MAP3K15: variants seen among roughly 807,000 people sequenced by gnomAD.
MAP3K15 encodes the protein mitogen-activated protein kinase kinase kinase 15, also known as MAPK/ERK kinase kinase 15.
In MAP3K15, 124 loss-of-function variants were observed where a neutral mutation model predicts 99.5. The ratio of observed to expected loss-of-function variants is 1.25; its 90% confidence interval spans 1.08 to 1.45. MAP3K15 has a LOEUF of 1.45. Among genes scored for constraint, MAP3K15 ranks in the 40% most tolerant of loss-of-function variants. The pLI, the probability that MAP3K15 is intolerant of heterozygous loss-of-function variation, is 0.00. For synonymous variants in MAP3K15, 494 were observed against 439.6 expected (o/e 1.12, Z -1.55); for missense variants, 1,242 against 1,079.7 (o/e 1.15, Z -2.11).
intron 3 of MAP3K15, among the ~76,000 whole-genome samples, chrX:19,470,150 C>G: frequency 8.9e-6 from 1 of 111,816 alleles, no homozygotes. Flanking sequence ...TGGAACCAAG[C>G]CAAATGTCCA....
At chrX:19,400,688 C>T (rs776967522) in intron 13 of MAP3K15, 25 bp from the exon 14 acceptor site, 7 of 1,061,789 alleles carry the variant, frequency 6.6e-6, no homozygotes, top group South Asian at 3.9e-5. Context: ...GTCACAAATA[C>T]GTTGCCAACT....
chrX:19,505,386 C>G (rs2064469473), intron 1 of MAP3K15, among the ~76,000 whole-genome samples: 1 of 112,147 alleles, frequency 8.9e-6, no homozygotes, highest in Non-Finnish European at 1.9e-5. Context: ...ATTACTATAA[C>G]AAACGATGCC....
chrX:19,473,983 G>A (rs1388891164), intron 3 of MAP3K15, among the ~76,000 whole-genome samples: 1 of 111,921 alleles, frequency 8.9e-6, no homozygotes, highest in East Asian at 2.8e-4. Flanking sequence ...TTTCCTTACT[G>A]TAAGTGTCAC....
intron 24 of MAP3K15, among the ~76,000 whole-genome samples, chrX:19,369,778 C>T (rs991714601): frequency 1.5e-4 from 17 of 110,897 alleles, no homozygotes; most frequent in Non-Finnish European, 1.5e-4. Context: ...GGTGTGGTGG[C>T]GCGCACCTGT....
At chrX:19,378,603 C>T (rs1162884077) in intron 19 of MAP3K15, among the ~76,000 whole-genome samples, 2 of 111,458 alleles carry the variant, frequency 1.8e-5, no homozygotes, top group Non-Finnish European at 3.8e-5. Flanking sequence ...CACCGGGTCC[C>T]TCCCACAACA....
At chrX:19,384,748 G>GAAAAAAA (rs1569205907) in intron 18 of MAP3K15, among the ~76,000 whole-genome samples, 1 of 56,469 alleles carries the variant, frequency 1.8e-5, no homozygotes, top group Non-Finnish European at 3.2e-5. Flanking sequence ...TTGTCTCAGG[G>GAAAAAAA]GAAAAAAAAA....
At chrX:19,392,283 G>C in intron 17 of MAP3K15, 60 bp downstream of exon 17, 1 of 1,153,907 alleles carries the variant, frequency 8.7e-7, no homozygotes, top group Non-Finnish European at 1.2e-6. Context: ...AGACACCATC[G>C]ACAGCTCTCA....
At chrX:19,377,469 G>A (rs752671150) in intron 19 of MAP3K15, among the ~76,000 whole-genome samples, 25 of 111,248 alleles carry the variant, frequency 2.2e-4, no homozygotes, top group South Asian at 7.7e-4. Flanking sequence ...GCTTGAACCC[G>A]GGAGGCAGAG....
intron 7 of MAP3K15, among the ~76,000 whole-genome samples, chrX:19,430,577 A>G (rs949591016): frequency 5.4e-5 from 6 of 111,967 alleles, no homozygotes; most frequent in Non-Finnish European, 9.4e-5. Flanking sequence ...TATTCTTTGC[A>G]TAACAGTGAG....
At chrX:19,460,806 C>T (rs2064127700) in intron 4 of MAP3K15, among the ~76,000 whole-genome samples, 1 of 107,871 alleles carries the variant, frequency 9.3e-6, no homozygotes. Context: ...ACGGAGTCTC[C>T]CTCTGTTGCC....
rs906943035 is a variant in MAP3K15, at chrX:19,395,174, G to A, written c.2101C>T (p.His701Tyr). 1 of 1,206,461 alleles carries A rather than the reference G, an allele frequency of 8.3e-7. No individual in the cohort carries two copies. Among genetic ancestry groups the A allele is most frequent in the Non-Finnish European group, 1.1e-6 (1 of 893,377 alleles). ...ATATTGCGGTGCTTAAGGTACTTGT[G>A]CAGGGCTATCTCCTCGTGCAGAGGC... is the stretch of plus-strand genomic sequence containing the variant. ...SQPLHEEIAL[H>Y]KYLKHRNIVQ... The change falls in exon 16 of 29, where the codon CAC becomes TAC. Residue 701 changes from histidine (H) to tyrosine (Y), a missense_variant. Coordinates refer to ENST00000338883, the MANE Select transcript of MAP3K15 (RefSeq NM_001001671.4).
rs188495142 is a variant in MAP3K15 at position 19,444,431 on chromosome X, C to T, written c.995+12482G>A. On this transcript the variant is annotated intron_variant, in intron 6 of 28. Transcript: ENST00000338883. ...CTGCTGTGAGGAGAAGCCAAATCTA[C>T]GTGTGCAAAATCCAGAGATACGCCA... Among the ~76,000 whole-genome samples, 69 of 111,613 alleles carry T rather than the reference C, an allele frequency of 6.2e-4. 1 individual carries two copies. In the East Asian group the frequency reaches 0.016, roughly 26 times the overall value.
chrX:19,401,919 T>A (rs2063611309), intron 13 of MAP3K15, among the ~76,000 whole-genome samples: 1 of 111,761 alleles, frequency 8.9e-6, no homozygotes, highest in Admixed American at 9.5e-5. Flanking sequence ...CTTCTAATCT[T>A]TGAAAGCTGG....
At chrX:19,373,008 G>T (rs2063387550) in intron 21 of MAP3K15, 181 bp from the exon 22 acceptor site, 2 of 295,440 alleles carry the variant, frequency 6.8e-6, no homozygotes, top group Non-Finnish European at 1.1e-5. Flanking sequence ...CCCACAGCAG[G>T]AGGGAGAGCA....
intron 6 of MAP3K15, among the ~76,000 whole-genome samples, chrX:19,450,612 A>T (rs893322686): frequency 9.2e-6 from 1 of 109,037 alleles, no homozygotes; most frequent in East Asian, 2.8e-4. Context: ...TGAAAACGTG[A>T]TTTTTTAAAA....
chrX:19,399,739 CA>C (rs777947449), intron 14 of MAP3K15, among the ~76,000 whole-genome samples: 4,670 of 35,437 alleles, frequency 0.13, 398 homozygotes, highest in African/African-American at 0.27. Context: ...ACTCTGTTTC[CA>C]AAAAAAAAAA....
chrX:19,378,496 C>T (rs1001918641), intron 19 of MAP3K15, among the ~76,000 whole-genome samples: 2 of 112,028 alleles, frequency 1.8e-5, no homozygotes, highest in African/African-American at 6.5e-5. Flanking sequence ...TGAGAACCAG[C>T]AAAGGCGGAA....
rs769555882 is a variant in MAP3K15 at position 19,402,325 on chromosome X, G to C, written c.1845-1662C>G. On this transcript the variant is annotated intron_variant, in intron 13 of 28. Transcript: ENST00000338883. Reference sequence around the variant, plus strand: ...AAAAAAATAAAAGATGATATCAACTGTTCTTAAGAATACGGAACAACTGGG... The same window carrying C: ...AAAAAAATAAAAGATGATATCAACTCTTCTTAAGAATACGGAACAACTGGG... Among the ~76,000 whole-genome samples, 7 of 110,641 alleles carry C rather than the reference G, an allele frequency of 6.3e-5. No homozygotes were observed. In the South Asian group the frequency reaches 2.7e-3, roughly 43 times the overall value.
intron 9 of MAP3K15, 140 bp downstream of exon 9, chrX:19,425,391 G>C: frequency 1.9e-6 from 1 of 520,153 alleles, no homozygotes; most frequent in East Asian, 3.9e-5. Flanking sequence ...AAAAGCAAGG[G>C]AATTCTCAGA....
Sources: allele counts gnomAD v4.1 joint callset (sites outside exome capture counted in the v4.1 genomes callset), GRCh38; gene constraint gnomAD v4.1.1; transcripts MANE v1.5; gene names NCBI Gene and HGNC (gene_info 2026-07-23, HGNC 2026-07-21).